The following ROR1 variants were observed in gnomAD, a reference collection of about 807,000 sequenced individuals.
ROR1 encodes inactive tyrosine-protein kinase transmembrane receptor ROR1.
In ROR1, 19 loss-of-function variants were observed where a neutral mutation model predicts 78.8. The observed-to-expected ratio is 0.24, with a 90% CI of 0.17 to 0.35. ROR1 has a LOEUF of 0.35. Ranked by LOEUF, ROR1 falls within the 10% of genes least tolerant of loss-of-function variation. The pLI is 1.00. For synonymous variants in ROR1, 386 were observed against 433.6 expected, an observed-to-expected ratio of 0.89 and a Z score of 1.36; for missense variants, 917 against 1,177.8, an observed-to-expected ratio of 0.78 and a Z score of 3.24.
At chr1:63,896,525 T>G (rs956672797) in intron 1 of ROR1, among the ~76,000 whole-genome samples, 1 of 152,234 alleles carries the variant, frequency 6.6e-6, no homozygotes, top group Non-Finnish European at 1.5e-5. Context: ...AACTGACTTG[T>G]TGGACTTAAC....
intron 2 of ROR1, among the ~76,000 whole-genome samples, chr1:64,043,431 G>A (rs1319520152): frequency 6.6e-6 from 1 of 152,188 alleles, no homozygotes; most frequent in Non-Finnish European, 1.5e-5. Flanking sequence ...AATTCCCAGA[G>A]AGGTCATAAA....
chr1:63,974,422 A>C lies in ROR1; in HGVS notation c.92-34883A>C, dbSNP rs184538983. Among the ~76,000 whole-genome samples, 5 of 152,338 alleles carry C rather than the reference A, an allele frequency of 3.3e-5. No homozygotes were observed. The South Asian group carries it at 1.0e-3, about 32-fold the overall frequency. On this transcript the variant is annotated intron_variant, in intron 1 of 8. Coordinates refer to ENST00000371079, the MANE Select transcript of ROR1 (RefSeq NM_005012.4). Reference sequence around the variant, plus strand: ...ATAAATATTACTCTAATCTTTCTGAAGTATTAATTCAATATGAGGTGTTTT... The same window carrying C: ...ATAAATATTACTCTAATCTTTCTGACGTATTAATTCAATATGAGGTGTTTT...
At chr1:64,011,387 T>C (rs1015012349) in intron 2 of ROR1, among the ~76,000 whole-genome samples, 1 of 152,214 alleles carries the variant, frequency 6.6e-6, no homozygotes, top group Non-Finnish European at 1.5e-5. Context: ...GGTGCTTTTT[T>C]GTGAACTTAT....
intron 1 of ROR1, among the ~76,000 whole-genome samples, chr1:63,997,586 C>A (rs922226770): frequency 1.3e-5 from 2 of 152,090 alleles, no homozygotes; most frequent in Non-Finnish European, 2.9e-5. Flanking sequence ...TCATTTAAAG[C>A]TTTTTGTGTT....
chr1:63,989,366 TA>T (rs764956480), intron 1 of ROR1, among the ~76,000 whole-genome samples: 6 of 152,154 alleles, frequency 3.9e-5, no homozygotes, highest in Non-Finnish European at 8.8e-5. Flanking sequence ...AAAATTCATG[TA>T]AAAATACTTA....
At chr1:64,177,272 G>T (rs367937524) in intron 8 of ROR1, among the ~76,000 whole-genome samples, 156 bp from the exon 9 acceptor site, 1 of 152,238 alleles carries the variant, frequency 6.6e-6, no homozygotes, top group East Asian at 1.9e-4. Context: ...CCTCCCCTGA[G>T]TTGCAGCCAA....
At chr1:64,165,266 T>C (rs971797511) in intron 8 of ROR1, among the ~76,000 whole-genome samples, 1 of 152,206 alleles carries the variant, frequency 6.6e-6, no homozygotes, top group Non-Finnish European at 1.5e-5. Flanking sequence ...TTTTTTGACC[T>C]TTTAATAATG....
At chr1:63,866,507 C>T (rs2100353003) in intron 1 of ROR1, among the ~76,000 whole-genome samples, 1 of 152,242 alleles carries the variant, frequency 6.6e-6, no homozygotes, top group Non-Finnish European at 1.5e-5. Flanking sequence ...CTCTACTTTT[C>T]CTACACCAAG....
intron 1 of ROR1, among the ~76,000 whole-genome samples, chr1:63,914,795 C>T (rs187952344): frequency 6.6e-6 from 1 of 152,222 alleles, no homozygotes; most frequent in Admixed American, 6.5e-5. Flanking sequence ...CCCCTCCACC[C>T]CCATTTCTGC....
Position 64,150,634 on chromosome 1 carries a change from A to AG in ROR1, c.1174+7989dup, listed in dbSNP as rs774380704. On this transcript the variant is annotated intron_variant, in intron 7 of 8. Transcript: ENST00000371079. ...AACGTTACAGTGAATTGGATGGTGG[A>AG]GGGGGTAAAGGAGGAAGAAGTATAG... Among the ~76,000 whole-genome samples the AG allele has an allele frequency of 6.6e-5, 10 of 152,312 alleles. No individual in the cohort carries two copies. The East Asian group carries it at 1.9e-3, about 29-fold the overall frequency.
Position 64,178,702 on chromosome 1 carries a change from C to T in ROR1, c.2661C>T (p.His887=). 2.5e-6 allele frequency: 4 copies of T among 1,614,152 alleles called. No individual in the cohort carries two copies. The highest frequency in any genetic ancestry group is 3.4e-6 in the Non-Finnish European group (4 of 1,180,042). ...AAGCAAATATTCCTTTACTACCACA[C>T]ATGTCAATTCCAAATCATCCTGGTG... ...NQEANIPLLP[H]MSIPNHPGGM... The change falls in exon 9 of 9, where the codon CAC becomes CAT. Residue 887 remains histidine, a synonymous_variant. Transcript: ENST00000371079. The surrounding 1 kb of genome is among the most constrained non-coding windows in gnomAD (Gnocchi z 4.3).
At chr1:63,843,674 C>T (rs1645063354) in intron 1 of ROR1, 3 of 555,558 alleles carry the variant, frequency 5.4e-6, no homozygotes, top group Non-Finnish European at 1.1e-5. Context: ...CAGACAGCCA[C>T]ACCAGAGGCC....
At chr1:63,798,865 A>AAG (rs1644778589) in intron 1 of ROR1, among the ~76,000 whole-genome samples, 1 of 152,076 alleles carries the variant, frequency 6.6e-6, no homozygotes, top group Non-Finnish European at 1.5e-5. Context: ...TCTCTGGACT[A>AAG]CTTTGAAAAA....
intron 1 of ROR1, chr1:63,789,295 G>A: frequency 1.9e-6 from 1 of 537,426 alleles, no homozygotes; most frequent in South Asian, 1.7e-5. Context: ...TGAAGCCTGA[G>A]CATACTCATG....
intron 1 of ROR1, among the ~76,000 whole-genome samples, chr1:63,946,561 T>A (rs1292437596): frequency 1.3e-5 from 2 of 152,234 alleles, no homozygotes; most frequent in Non-Finnish European, 2.9e-5. Context: ...CCTCAACTTT[T>A]GTTTTTGTCA....
At chr1:63,793,437 C>A (rs1337103960) in intron 1 of ROR1, among the ~76,000 whole-genome samples, 1 of 152,218 alleles carries the variant, frequency 6.6e-6, no homozygotes, top group East Asian at 1.9e-4. Context: ...CCCAGTTACC[C>A]TGATTTGATC....
intron 4 of ROR1, among the ~76,000 whole-genome samples, chr1:64,127,421 C>T (rs899274143): frequency 6.6e-6 from 1 of 151,958 alleles, no homozygotes; most frequent in Admixed American, 6.6e-5. Flanking sequence ...CTTTCTCTGT[C>T]TCTCTCTGTC....
At chr1:63,878,405 A>G (rs1039811751) in intron 1 of ROR1, among the ~76,000 whole-genome samples, 2 of 152,168 alleles carry the variant, frequency 1.3e-5, no homozygotes, top group African/African-American at 4.8e-5. Flanking sequence ...TAACAGTTTC[A>G]AGACCTGCAA....
chr1:63,988,471 T>A (rs1332789204), intron 1 of ROR1, among the ~76,000 whole-genome samples: 1 of 152,222 alleles, frequency 6.6e-6, no homozygotes, highest in Non-Finnish European at 1.5e-5. Flanking sequence ...GAAAAAATTG[T>A]GGTTAAACAT....
Sources: gnomAD v4.1 joint callset for allele counts (sites outside exome capture counted in the v4.1 genomes callset) on GRCh38, gnomAD v4.1.1 for gene constraint, Gnocchi (gnomAD v3.1) non-coding constraint, MANE v1.5 for transcripts, NCBI Gene and HGNC (gene_info 2026-07-23, HGNC 2026-07-21) for gene names.